PLD5: variants seen among roughly 807,000 people sequenced by gnomAD.
The protein encoded by PLD5 is inactive phospholipase D5.
Under a neutral mutation model 61.1 loss-of-function variants are expected in PLD5, and 36 were observed. The observed-to-expected ratio is 0.59, with a 90% CI of 0.45 to 0.78. The LOEUF is 0.78. Among genes scored for constraint, PLD5 ranks in the 30% least tolerant of loss-of-function variants. The probability of loss-of-function intolerance (pLI) is 0.00; values close to 1 mark genes in which losing one functional copy is unlikely to be tolerated. For synonymous variants in PLD5, 243 were observed against 242.8 expected (o/e 1.00, Z -0.01); for missense variants, 515 against 644.4 (o/e 0.80, Z 2.17).
At chr1:242,516,988 GTTTT>G (rs1669124520) in intron 1 of PLD5, among the ~76,000 whole-genome samples, 1 of 151,740 alleles carries the variant, frequency 6.6e-6, no homozygotes, top group African/African-American at 2.4e-5. Flanking sequence ...AAATAGTAAT[GTTTT>G]TAAGTGTTAG....
At position 242,478,998 on chromosome 1, in the gene PLD5, T is replaced by C. The variant is rs576617045; in HGVS notation, c.189+45090A>G. 4.6e-5 allele frequency among the ~76,000 whole-genome samples: 7 copies of C among 152,346 alleles called. No individual in the cohort carries two copies. The South Asian group carries it at 1.4e-3, about 32-fold the overall frequency. On this transcript the variant is annotated intron_variant, in intron 1 of 9. Transcript: ENST00000536534. ...CGATATGAAGACATTTTAATGATAT[T>C]GTTTAATGGAAATGAAGTATACAAA... is the stretch of plus-strand genomic sequence containing the variant.
chr1:242,384,015 G>A (rs1277103408), intron 1 of PLD5, among the ~76,000 whole-genome samples: 2 of 152,172 alleles, frequency 1.3e-5, no homozygotes, highest in Non-Finnish European at 2.9e-5. Flanking sequence ...AGAGGAATCC[G>A]CTGCAAAATC....
intron 2 of PLD5, among the ~76,000 whole-genome samples, chr1:242,301,869 C>T (rs996520644): frequency 2.6e-5 from 4 of 151,844 alleles, no homozygotes; most frequent in Non-Finnish European, 5.9e-5. Flanking sequence ...CCTCCACCTC[C>T]CGGGTTCAAG....
At chr1:242,295,963 C>G (rs955053407) in intron 2 of PLD5, among the ~76,000 whole-genome samples, 2 of 152,236 alleles carry the variant, frequency 1.3e-5, no homozygotes, top group South Asian at 2.1e-4. Context: ...CAATTCAAAA[C>G]GAAAGGGTTT....
At chr1:242,301,231 A>G (rs1002303560) in intron 2 of PLD5, among the ~76,000 whole-genome samples, 3 of 152,124 alleles carry the variant, frequency 2.0e-5, no homozygotes, top group African/African-American at 7.2e-5. Flanking sequence ...TCTGGGGTTC[A>G]GTGAGGAAGA....
At chr1:242,523,536 C>T (rs1226532594) in intron 1 of PLD5, among the ~76,000 whole-genome samples, 1 of 152,132 alleles carries the variant, frequency 6.6e-6, no homozygotes, top group African/African-American at 2.4e-5. Context: ...GCAAATCTCT[C>T]CCTAGTTGGG....
chr1:242,515,339 A>G (rs1224161746), intron 1 of PLD5, among the ~76,000 whole-genome samples: 1 of 152,134 alleles, frequency 6.6e-6, no homozygotes. Context: ...CAGCCTCCCA[A>G]CTAGCTCGGA....
chr1:242,307,017 CAA>C (rs1038561667), intron 2 of PLD5, among the ~76,000 whole-genome samples: 6 of 152,208 alleles, frequency 3.9e-5, no homozygotes, highest in African/African-American at 1.4e-4. Flanking sequence ...ATTTGTAGGG[CAA>C]AGTTTTTTTC....
intron 5 of PLD5, among the ~76,000 whole-genome samples, chr1:242,190,437 C>T (rs2840622): frequency 2.0e-5 from 3 of 151,932 alleles, no homozygotes; most frequent in Admixed American, 6.5e-5. Flanking sequence ...TGAGCCACCG[C>T]GCCCGGCCCA....
intron 7 of PLD5, among the ~76,000 whole-genome samples, chr1:242,110,973 C>T (rs938675225): frequency 2.6e-5 from 4 of 152,030 alleles, no homozygotes; most frequent in East Asian, 1.9e-4. Flanking sequence ...AATGAACAAC[C>T]CCAAACTGAG....
intron 5 of PLD5, among the ~76,000 whole-genome samples, chr1:242,129,756 A>AT (rs1663087443): frequency 6.6e-6 from 1 of 152,178 alleles, no homozygotes; most frequent in African/African-American, 2.4e-5. Context: ...GATAGTATAC[A>AT]TTGTACTCAT....
intron 4 of PLD5, among the ~76,000 whole-genome samples, chr1:242,239,910 C>A (rs752990222): frequency 6.6e-6 from 1 of 152,176 alleles, no homozygotes; most frequent in Non-Finnish European, 1.5e-5. Flanking sequence ...TGTACTTGGG[C>A]AAATTTGTTT....
At chr1:242,132,941 G>T (rs573261979) in intron 5 of PLD5, among the ~76,000 whole-genome samples, 2 of 151,926 alleles carry the variant, frequency 1.3e-5, no homozygotes, top group Non-Finnish European at 2.9e-5. Context: ...GAATCAAAAG[G>T]AAAACCCCAC....
intron 6 of PLD5, among the ~76,000 whole-genome samples, chr1:242,121,781 A>C (rs1303826320): frequency 6.6e-6 from 1 of 152,244 alleles, no homozygotes; most frequent in East Asian, 1.9e-4. Flanking sequence ...ATGAGTTCAC[A>C]TCCTTTGTAG....
chr1:242,394,714 GTA>G (rs1406115696), intron 1 of PLD5, among the ~76,000 whole-genome samples: 1 of 55,434 alleles, frequency 1.8e-5, no homozygotes, highest in Admixed American at 3.1e-4. Context: ...ACATATATGT[GTA>G]TATATGTGAA....
intron 1 of PLD5, chr1:242,365,043 A>G (rs960301782): frequency 6.6e-6 from 1 of 152,144 alleles, no homozygotes; most frequent in African/African-American, 2.4e-5. Flanking sequence ...AGCAGATCCT[A>G]CACAAAATAA....
In PLD5 at chr1:242,524,636, G is replaced by T. The variant is rs1669393263; in HGVS notation, c.-360C>A. 5.7e-6 allele frequency: 1 copy of T among 174,648 alleles called. No homozygotes were observed. Among genetic ancestry groups the T allele is most frequent in the South Asian group, 1.9e-4 (1 of 5,342 alleles). 10.8% of individuals were successfully genotyped at this position (174,648 alleles called of 1,614,324 possible). A position where few individuals can be genotyped will look rare whatever the true frequency, so the allele number is the denominator to read the frequency against. The stretch of plus-strand genomic sequence containing the variant: ...CAGAAGTGCCCGGTGCGGCGGCGAC[G>T]TCGCCCGGCGGCTGCGGTCCCGAGC... On this transcript the variant is annotated 5_prime_UTR_variant, in exon 1 of 10. Coordinates refer to ENST00000536534, the MANE Select transcript of PLD5 (RefSeq NM_001372062.1).
At chr1:242,404,970 C>A (rs1250122681) in intron 1 of PLD5, among the ~76,000 whole-genome samples, 1 of 147,900 alleles carries the variant, frequency 6.8e-6, no homozygotes, top group African/African-American at 2.5e-5. Flanking sequence ...ACCTCCACCT[C>A]CCGGGTTCAA....
intron 3 of PLD5, among the ~76,000 whole-genome samples, chr1:242,282,135 A>G (rs28626047): frequency 1.2e-3 from 189 of 152,288 alleles, no homozygotes; most frequent in Non-Finnish European, 2.2e-3. Flanking sequence ...TCACGATCAT[A>G]ACAAACCCTT....
Sources: gnomAD v4.1 joint callset for allele counts (sites outside exome capture counted in the v4.1 genomes callset) on GRCh38, gnomAD v4.1.1 for gene constraint, MANE v1.5 for transcripts, NCBI Gene and HGNC (gene_info 2026-07-23, HGNC 2026-07-21) for gene names.